The following CPPED1 variants were observed in gnomAD, a reference collection of about 807,000 sequenced individuals.
CPPED1 encodes serine/threonine-protein phosphatase CPPED1.
In CPPED1, 28 loss-of-function variants were observed where a neutral mutation model predicts 28.0. That is an observed-to-expected ratio of 1.00 (90% CI 0.74 to 1.37). The LOEUF (loss-of-function observed/expected upper bound fraction) is 1.37. Among genes scored for constraint, CPPED1 ranks in the 40% most tolerant of loss-of-function variants. The probability of loss-of-function intolerance (pLI) is 0.00; values close to 1 mark genes in which losing one functional copy is unlikely to be tolerated. For missense variants in CPPED1, 504 were observed against 416.5 expected (o/e 1.21, Z -1.83); for synonymous variants, 198 against 180.2 (o/e 1.10, Z -0.79).
In CPPED1 at chr16:12,672,481, T is replaced by C. The variant is rs1467441294; in HGVS notation, c.716-7366A>G. Among the ~76,000 whole-genome samples the C allele has an allele frequency of 2.0e-5, 3 of 152,244 alleles. No individual in the cohort carries two copies. In the East Asian group the frequency reaches 5.8e-4, roughly 29 times the overall value. ...TGTACTGGCACCAAAAGGTGCCAAA[T>C]ACCATTAATATGTATAGCACACTGC... is the stretch of plus-strand genomic sequence containing the variant. On this transcript the variant is annotated intron_variant, in intron 3 of 3. Coordinates refer to ENST00000381774, the MANE Select transcript of CPPED1 (RefSeq NM_018340.3).
At position 12,704,660 on chromosome 16, in the gene CPPED1, T is replaced by C. The variant is rs780190524; in HGVS notation, c.679A>G (p.Thr227Ala). 4 of 1,612,770 alleles carry C rather than the reference T, an allele frequency of 2.5e-6. No individual in the cohort carries two copies. Among genetic ancestry groups the C allele is most frequent in the Non-Finnish European group, 3.4e-6 (4 of 1,178,956 alleles). Residue 227 changes from threonine (T) to alanine (A), a missense_variant, in exon 3 of 4, where the codon ACT becomes GCT. Thr to Ala is a moderately conservative substitution (Grantham distance 58). Coordinates refer to ENST00000381774, the MANE Select transcript of CPPED1 (RefSeq NM_018340.3). ...AACTTGTCTGCCAACTTCTTCCGAG[T>C]GGACTTGCTGAGGTTGAAGTAGTAG... ...DDYYFNLSKS[T>A]RKKLADKFIH...
intron 1 of CPPED1, among the ~76,000 whole-genome samples, chr16:12,799,053 G>A (rs939973659): frequency 1.3e-5 from 2 of 152,100 alleles, no homozygotes; most frequent in Non-Finnish European, 2.9e-5. Flanking sequence ...TCACCGGTGG[G>A]AGGAAATGGG....
intron 2 of CPPED1, among the ~76,000 whole-genome samples, chr16:12,747,043 G>A (rs937568776): frequency 6.7e-6 from 1 of 149,726 alleles, no homozygotes. Flanking sequence ...GCTTTCCAGA[G>A]TTTACTCCCA....
chr16:12,731,762 GC>G (rs756171611), intron 2 of CPPED1, among the ~76,000 whole-genome samples: 23 of 151,052 alleles, frequency 1.5e-4, no homozygotes, highest in Non-Finnish European at 2.5e-4. Flanking sequence ...ATGGAAGCAG[GC>G]AGCCAAGGAC....
At chr16:12,747,342 GGATT>G (rs1357371290) in intron 2 of CPPED1, among the ~76,000 whole-genome samples, 3 of 151,876 alleles carry the variant, frequency 2.0e-5, no homozygotes, top group Admixed American at 1.3e-4. Context: ...TGAGGTAGGA[GGATT>G]GATTGAGCCT....
chr16:12,720,005 GCA>G (rs376067111), intron 2 of CPPED1, among the ~76,000 whole-genome samples: 4 of 150,970 alleles, frequency 2.6e-5, no homozygotes, highest in Non-Finnish European at 4.4e-5. Context: ...TACACTATGT[GCA>G]CACACACACA....
intron 2 of CPPED1, among the ~76,000 whole-genome samples, chr16:12,724,747 C>T (rs1176229525): frequency 6.6e-6 from 1 of 152,184 alleles, no homozygotes; most frequent in Non-Finnish European, 1.5e-5. Flanking sequence ...GAATGGAAAG[C>T]GTTTTGCATC....
At chr16:12,667,369 G>A (rs2079831228) in intron 3 of CPPED1, among the ~76,000 whole-genome samples, 1 of 152,180 alleles carries the variant, frequency 6.6e-6, no homozygotes. Context: ...AAACAACATA[G>A]GCATAAATTG....
chr16:12,800,511 A>T (rs1287395347), intron 1 of CPPED1, among the ~76,000 whole-genome samples: 2 of 152,062 alleles, frequency 1.3e-5, no homozygotes, highest in Non-Finnish European at 2.9e-5. Flanking sequence ...CCAGCTTCCA[A>T]CTGGATTGCA....
intron 2 of CPPED1, among the ~76,000 whole-genome samples, chr16:12,708,390 G>A (rs2080062830): frequency 1.3e-5 from 2 of 152,112 alleles, no homozygotes; most frequent in African/African-American, 4.8e-5. Flanking sequence ...CCTCAGGAAT[G>A]GCTGTAAGAA....
At chr16:12,762,660 T>C (rs2080416274) in intron 2 of CPPED1, among the ~76,000 whole-genome samples, 1 of 152,266 alleles carries the variant, frequency 6.6e-6, no homozygotes, top group Non-Finnish European at 1.5e-5. Flanking sequence ...AGTGGATTAG[T>C]GGCTGCCTAG....
At chr16:12,786,144 T>C (rs1296688239) in intron 1 of CPPED1, among the ~76,000 whole-genome samples, 1 of 152,234 alleles carries the variant, frequency 6.6e-6, no homozygotes, top group Non-Finnish European at 1.5e-5. Context: ...GGCACAGAGA[T>C]GGCAGGGCTG....
intron 2 of CPPED1, among the ~76,000 whole-genome samples, chr16:12,708,261 G>T (rs1420011957): frequency 6.6e-6 from 1 of 152,170 alleles, no homozygotes; most frequent in African/African-American, 2.4e-5. Flanking sequence ...CTGAGGTGGA[G>T]TGAGTGTGCC....
chr16:12,681,435 A>C (rs190601251), intron 3 of CPPED1, among the ~76,000 whole-genome samples: 1 of 152,218 alleles, frequency 6.6e-6, no homozygotes, highest in African/African-American at 2.4e-5. Flanking sequence ...GAACTGTAAA[A>C]AATCAATCTC....
intron 2 of CPPED1, among the ~76,000 whole-genome samples, chr16:12,723,543 G>A (rs1444266469): frequency 6.6e-6 from 1 of 152,178 alleles, no homozygotes; most frequent in Non-Finnish European, 1.5e-5. Flanking sequence ...TCGGCCATCT[G>A]CAAGGCAAGG....
chr16:12,762,042 C>T (rs1038251274), intron 2 of CPPED1, among the ~76,000 whole-genome samples: 7 of 151,302 alleles, frequency 4.6e-5, no homozygotes, highest in African/African-American at 1.7e-4. Flanking sequence ...ACAATGTCAG[C>T]ACCATAGGAA....
intron 2 of CPPED1, among the ~76,000 whole-genome samples, chr16:12,710,165 C>T (rs188531162): frequency 9.5e-4 from 145 of 152,276 alleles, no homozygotes; most frequent in African/African-American, 3.3e-3. Context: ...GAGAAATTAG[C>T]TTGGATGCAA....
At chr16:12,787,402 T>C (rs1450608605) in intron 1 of CPPED1, among the ~76,000 whole-genome samples, 1 of 82,350 alleles carries the variant, frequency 1.2e-5, no homozygotes, top group Non-Finnish European at 2.5e-5. Context: ...TGAATTTTTC[T>C]TTCTTTTTTT....
intron 2 of CPPED1, among the ~76,000 whole-genome samples, chr16:12,767,824 G>C (rs913928708): frequency 1.3e-5 from 2 of 152,112 alleles, no homozygotes; most frequent in East Asian, 3.9e-4. Flanking sequence ...GGGTGTGGGG[G>C]TGGGCACCTG....
Sources: gnomAD v4.1 joint callset for allele counts (sites outside exome capture counted in the v4.1 genomes callset) on GRCh38, gnomAD v4.1.1 for gene constraint, MANE v1.5 for transcripts, NCBI Gene and HGNC (gene_info 2026-07-23, HGNC 2026-07-21) for gene names.